The following PCIF1 variants were observed in gnomAD, a reference collection of about 807,000 sequenced individuals.
PCIF1 encodes mRNA (2'-O-methyladenosine-N(6)-)-methyltransferase.
A neutral mutation model predicts 86.9 loss-of-function variants in PCIF1; 12 were observed. That is an observed-to-expected ratio of 0.14 (90% confidence interval 0.09 to 0.22). The LOEUF is 0.22. Ranked by LOEUF, PCIF1 falls within the 10% of genes least tolerant of loss-of-function variation. The pLI is 1.00. For synonymous variants in PCIF1, 397 were observed against 372.0 expected, an observed-to-expected ratio of 1.07 and a Z score of -0.77; for missense variants, 701 against 951.1, an observed-to-expected ratio of 0.74 and a Z score of 3.46.
intron 4 of PCIF1, 57 bp from the exon 5 acceptor site, chr20:45,940,418 C>G: frequency 2.0e-6 from 3 of 1,522,642 alleles, no homozygotes; most frequent in Non-Finnish European, 2.7e-6. Context: ...GATTCAAAGT[C>G]CTGTGGCTCC....
intron 1 of PCIF1, 40 bp from the exon 2 acceptor site, chr20:45,937,378 A>G (rs1022943854): frequency 1.3e-5 from 5 of 399,126 alleles, no homozygotes; most frequent in African/African-American, 8.2e-5. Context: ...GCCCTGCAGC[A>G]TCCCACAGGT....
Position 45,946,063 on chromosome 20 carries a change from CTGCCTT to C in PCIF1, c.1379_1384del (p.Ala460_Phe461del). ...TACCGCTACAGCTGCATTGATGACT[CTGCCTT>C]TGAGAGGTTCCTGCCCCGGGTCTGG... On this transcript the variant is annotated inframe_deletion, in exon 13 of 17. Coordinates refer to ENST00000372409, the MANE Select transcript of PCIF1 (RefSeq NM_022104.4). The C allele has an allele frequency of 1.9e-6, 3 of 1,614,200 alleles. No homozygotes were observed. Among genetic ancestry groups the C allele is most frequent in the Non-Finnish European group, 2.5e-6 (3 of 1,180,036 alleles).
intron 1 of PCIF1, among the ~76,000 whole-genome samples, chr20:45,935,760 G>A (rs1488518014): frequency 1.3e-5 from 2 of 151,850 alleles, no homozygotes; most frequent in South Asian, 2.1e-4. Flanking sequence ...ACAAATTCTT[G>A]TGTGCCTCAC....
intron 7 of PCIF1, among the ~76,000 whole-genome samples, chr20:45,942,132 C>T (rs1294002771): frequency 2.0e-5 from 3 of 150,360 alleles, no homozygotes; most frequent in South Asian, 4.2e-4. Flanking sequence ...CCTGCCACCA[C>T]GCCCAGCTAA....
intron 1 of PCIF1, among the ~76,000 whole-genome samples, chr20:45,935,068 C>G (rs906463301): frequency 6.6e-6 from 1 of 151,462 alleles, no homozygotes; most frequent in Non-Finnish European, 1.5e-5. Flanking sequence ...CGGGCTCCGA[C>G]TCTGAGTCGC....
rs1182665985 is a variant in PCIF1, at chr20:45,946,222, A to G, written c.1451A>G (p.Tyr484Cys). The G allele has an allele frequency of 3.1e-6, 5 of 1,614,180 alleles. No homozygotes were observed. The highest frequency in any genetic ancestry group is 3.4e-6 in the Non-Finnish European group (4 of 1,180,030). The change falls in exon 14 of 17, where the codon TAC becomes TGC. Residue 484 changes from tyrosine to cysteine, a missense_variant. Coordinates refer to ENST00000372409, the MANE Select transcript of PCIF1 (RefSeq NM_022104.4). Reference sequence around the variant, plus strand: ...CAGATGATGTTCGGCGTGGGCCTCTACGAGGGGACTGGCCTGCAGGGATCG... The same window carrying G: ...CAGATGATGTTCGGCGTGGGCCTCTGCGAGGGGACTGGCCTGCAGGGATCG... The part of the protein sequence containing the change: ...RYQMMFGVGL[Y>C]EGTGLQGSLP...
chr20:45,943,788 A>C lies in PCIF1; in HGVS notation c.1005+23A>C, dbSNP rs1391157063. On this transcript the variant is annotated intron_variant, in intron 10 of 16. Coordinates refer to ENST00000372409, the MANE Select transcript of PCIF1 (RefSeq NM_022104.4). The surrounding 1 kb of genome is among the most constrained non-coding windows in gnomAD (Gnocchi z 5.5). ...ATGGTGAGTGGGTCCCCGGGTGAGA[A>C]GGCCAGTTTTAGGGCTCTGTGGCCA... 49 of 1,544,660 alleles carry C rather than the reference A, an allele frequency of 3.2e-5. No individual in the cohort carries two copies. The highest frequency in any genetic ancestry group is 2.4e-5 in the East Asian group (1 of 40,862).
chr20:45,939,761 T>A (rs749172991), intron 4 of PCIF1, among the ~76,000 whole-genome samples: 8 of 151,446 alleles, frequency 5.3e-5, no homozygotes, highest in Non-Finnish European at 1.2e-4. Context: ...GGTGAGAGAG[T>A]GAGTGAGTGT....
intron 14 of PCIF1, among the ~76,000 whole-genome samples, 187 bp from the exon 15 acceptor site, chr20:45,946,886 C>T (rs991328404): frequency 6.6e-6 from 1 of 152,198 alleles, no homozygotes; most frequent in Non-Finnish European, 1.5e-5. Flanking sequence ...CCAGCCTGAG[C>T]CTCACTCACT....
intron 4 of PCIF1, 93 bp downstream of exon 4, chr20:45,939,432 C>A: frequency 6.5e-7 from 1 of 1,549,434 alleles, no homozygotes; most frequent in Non-Finnish European, 8.7e-7. Flanking sequence ...CAGTGCCCAG[C>A]CCTGTGCTGG....
chr20:45,947,374 C>T lies in PCIF1; in HGVS notation c.1819C>T (p.His607Tyr). Residue 607 changes from histidine (H) to tyrosine (Y), a missense_variant, in exon 16 of 17, where the codon CAC (histidine) becomes TAC (tyrosine). Transcript: ENST00000372409. This position sits in a 1 kb window ranked among gnomAD's most constrained non-coding sequence, Gnocchi z 5.4. ...CATGGAGCAGAGCCGCTTCAAACGC[C>T]ACCAGTTGATCCTGCCTGCCTTTGA... ...TRMEQSRFKR[H>Y]QLILPAFEHE... 5 of 1,614,052 alleles carry T rather than the reference C, an allele frequency of 3.1e-6. No homozygotes were observed. The highest frequency in any genetic ancestry group is 3.4e-6 in the Non-Finnish European group (4 of 1,180,030).
intron 12 of PCIF1, 44 bp downstream of exon 12, chr20:45,945,927 A>G (rs1297144687): frequency 1.2e-6 from 2 of 1,613,154 alleles, no homozygotes; most frequent in East Asian, 2.2e-5. Context: ...GGCATGAGTC[A>G]GGGCCTAGGA....
At chr20:45,935,105 CG>C (rs2083408205) in intron 1 of PCIF1, among the ~76,000 whole-genome samples, 1 of 149,844 alleles carries the variant, frequency 6.7e-6, no homozygotes, top group African/African-American at 2.4e-5. Flanking sequence ...GAGCGCGCGG[CG>C]GGGCGGGGGG....
chr20:45,939,676 T>G (rs1455526875), intron 4 of PCIF1, among the ~76,000 whole-genome samples: 1 of 152,160 alleles, frequency 6.6e-6, no homozygotes, highest in African/African-American at 2.4e-5. Flanking sequence ...AGGAATAGTG[T>G]TAGAATACAT....
At position 45,939,023 on chromosome 20, in the gene PCIF1, C is replaced by G. The variant is rs201439678; in HGVS notation, c.24C>G (p.Ser8Arg). MANENHG[S>R]PREEASLLSH... ...AGATGGCCAATGAGAATCACGGCAG[C>G]CCCCGGGAGGAAGCGTCCCTGCTGA... Residue 8 changes from serine to arginine, a missense_variant, in exon 3 of 17, where the codon AGC becomes AGG. Physicochemically the swap from Ser to Arg is moderately radical, Grantham distance 110 (BLOSUM62 -1). This residue lies in a region of PCIF1 where 60 missense variants were observed against 58.6 expected (regional missense o/e 1.02). Transcript: ENST00000372409. The G allele has an allele frequency of 3.7e-4, 598 of 1,613,844 alleles. No homozygotes were observed. Among genetic ancestry groups the G allele is most frequent in the Non-Finnish European group, 4.9e-4 (580 of 1,179,970 alleles).
At position 45,934,755 on chromosome 20, in the gene PCIF1, G is replaced by C. The variant is rs999110426; in HGVS notation, c.-237G>C. On this transcript the variant is annotated 5_prime_UTR_variant, in exon 1 of 17. Transcript: ENST00000372409. ...GGGCGAGGCGGAGGCGGCAAAACGG[G>C]CGGTCGAGCAGAACGTGTAGCCGCG... The C allele has an allele frequency of 1.0e-5, 4 of 398,718 alleles. No homozygotes were observed. 24.7% of individuals were successfully genotyped at this position (398,718 alleles called of 1,614,324 possible).
chr20:45,941,212 C>A lies in PCIF1; in HGVS notation c.673+5C>A. The A allele has an allele frequency of 6.3e-7, 1 of 1,594,726 alleles. No homozygotes were observed. Among genetic ancestry groups the A allele is most frequent in the Non-Finnish European group, 8.6e-7 (1 of 1,168,914 alleles). On this transcript the variant is annotated splice_donor_5th_base_variant and intron_variant, in intron 7 of 16. Transcript: ENST00000372409. ...AGCTGTGCCAGCAGCGAGAGGGTACCTGCCTCTGGGCTGCAGCCTCCTTTA... is the reference window on the plus strand; with the variant it reads ...AGCTGTGCCAGCAGCGAGAGGGTACATGCCTCTGGGCTGCAGCCTCCTTTA...
At chr20:45,936,341 A>ATTTTTT (rs746165752) in intron 1 of PCIF1, among the ~76,000 whole-genome samples, 2 of 109,708 alleles carry the variant, frequency 1.8e-5, no homozygotes, top group African/African-American at 3.5e-5. Context: ...CGCCGGGCTA[A>ATTTTTT]TTTTTTTTTT....
chr20:45,939,296 A>T lies in PCIF1; in HGVS notation c.206A>T (p.Gln69Leu), dbSNP rs2083450433. ...RPYYFNRFTN[Q>L]SLWEMPVLGQ... is the part of the protein sequence containing the mutation. ...TACTACTTCAACCGATTCACCAACC[A>T]GTCCCTGTGGGAGATGCCCGTGCTG... Residue 69 changes from glutamine (Q) to leucine (L), a missense_variant, in exon 4 of 17, where the codon CAG (glutamine) becomes CTG (leucine). This residue lies in a region of PCIF1 where 31 missense variants were observed against 62.8 expected (regional missense o/e 0.49). Coordinates refer to ENST00000372409, the MANE Select transcript of PCIF1 (RefSeq NM_022104.4). The T allele has an allele frequency of 6.2e-7, 1 of 1,613,766 alleles. No individual in the cohort carries two copies. Among genetic ancestry groups the T allele is most frequent in the East Asian group, 2.2e-5 (1 of 44,882 alleles).
Sources: gnomAD v4.1 joint callset for allele counts (sites outside exome capture counted in the v4.1 genomes callset) on GRCh38, gnomAD v4.1.1 for gene constraint, gnomAD v4.1.1 regional missense constraint, Gnocchi (gnomAD v3.1) non-coding constraint, MANE v1.5 for transcripts, NCBI Gene and HGNC (gene_info 2026-07-23, HGNC 2026-07-21) for gene names.